The following KCNMB2 variants were observed in gnomAD, a reference collection of about 807,000 sequenced individuals.
The protein encoded by KCNMB2 is calcium-activated potassium channel subunit beta-2.
KCNMB2 carries 9 observed loss-of-function variants against 24.5 expected under a neutral mutation model. That is an observed-to-expected ratio of 0.37 (90% CI 0.22 to 0.64). KCNMB2 has a LOEUF of 0.64. KCNMB2 is among the 30% of genes least tolerant of loss of function. The pLI is 0.63. For missense variants in KCNMB2, 226 were observed against 284.3 expected (o/e 0.79, Z 1.47); for synonymous variants, 109 against 104.4 (o/e 1.04, Z -0.27).
intron 1 of KCNMB2, among the ~76,000 whole-genome samples, chr3:178,587,601 GGTT>G (rs1717491989): frequency 7.5e-6 from 1 of 133,084 alleles, no homozygotes; most frequent in Non-Finnish European, 1.6e-5. Context: ...TTTTTTGGGT[GGTT>G]TTTTTTTTTT....
chr3:178,537,079 G>A (rs993265228), intron 1 of KCNMB2, among the ~76,000 whole-genome samples: 6 of 152,032 alleles, frequency 3.9e-5, no homozygotes, highest in African/African-American at 1.5e-4. Context: ...AAGGCATAAA[G>A]GTCCAAGAAA....
rs200931093 is a variant in KCNMB2 at position 178,807,485 on chromosome 3, G to C, written c.56+20G>C. 2 of 1,610,084 alleles carry C rather than the reference G, an allele frequency of 1.2e-6. No homozygotes were observed. Among genetic ancestry groups the C allele is most frequent in the Admixed American group, 1.7e-5 (1 of 59,988 alleles). On this transcript the variant is annotated intron_variant, in intron 2 of 4. Coordinates refer to ENST00000452583, the MANE Select transcript of KCNMB2 (RefSeq NM_181361.3). Reference sequence around the variant, plus strand: ...AAAAAGGTAAATGCACTGGGATTCTGGGCACTTTTCAGAAGCATTTAACCT... The same window carrying C: ...AAAAAGGTAAATGCACTGGGATTCTCGGCACTTTTCAGAAGCATTTAACCT...
At chr3:178,775,880 C>G (rs1166103783) in intron 1 of KCNMB2, among the ~76,000 whole-genome samples, 1 of 152,166 alleles carries the variant, frequency 6.6e-6, no homozygotes, top group Non-Finnish European at 1.5e-5. Context: ...TGCCTCCAGA[C>G]TGGTTTAAGT....
chr3:178,830,354 A>AC (rs1715008311), intron 4 of KCNMB2, among the ~76,000 whole-genome samples: 1 of 152,016 alleles, frequency 6.6e-6, no homozygotes, highest in South Asian at 2.1e-4. Context: ...TATTCATTCT[A>AC]CTGCTGATGG....
intron 1 of KCNMB2, among the ~76,000 whole-genome samples, chr3:178,682,176 G>C (rs1721293054): frequency 6.6e-6 from 1 of 152,098 alleles, no homozygotes; most frequent in Non-Finnish European, 1.5e-5. Context: ...TATTTCAGTA[G>C]GTTAAGTAAT....
At chr3:178,734,145 C>T (rs1057331982) in intron 1 of KCNMB2, among the ~76,000 whole-genome samples, 2 of 152,096 alleles carry the variant, frequency 1.3e-5, no homozygotes, top group African/African-American at 4.8e-5. Context: ...TGGGAGGGTG[C>T]CCAAGTGTAA....
intron 1 of KCNMB2, among the ~76,000 whole-genome samples, chr3:178,743,431 C>A (rs1723558365): frequency 6.6e-6 from 1 of 152,178 alleles, no homozygotes; most frequent in Admixed American, 6.5e-5. Flanking sequence ...ATACTCAGAG[C>A]AGCTAAGCCT....
intron 1 of KCNMB2, among the ~76,000 whole-genome samples, chr3:178,681,154 C>T (rs1373540815): frequency 4.6e-5 from 7 of 152,138 alleles, no homozygotes; most frequent in African/African-American, 1.4e-4. Context: ...CTCTGGGAGT[C>T]AGAGGCCAGA....
intron 1 of KCNMB2, among the ~76,000 whole-genome samples, chr3:178,671,422 T>C (rs894274672): frequency 2.6e-5 from 4 of 152,178 alleles, no homozygotes; most frequent in African/African-American, 9.7e-5. Context: ...ACACCACTAC[T>C]GCCCAACCTC....
intron 2 of KCNMB2, among the ~76,000 whole-genome samples, chr3:178,816,051 C>G (rs367761428): frequency 6.6e-6 from 1 of 151,704 alleles, no homozygotes; most frequent in East Asian, 1.9e-4. Context: ...AGCATTTCAT[C>G]TTTTTCTATA....
At chr3:178,588,931 T>G (rs1371360753) in intron 1 of KCNMB2, among the ~76,000 whole-genome samples, 1 of 152,222 alleles carries the variant, frequency 6.6e-6, no homozygotes, top group Non-Finnish European at 1.5e-5. Flanking sequence ...GAGAAAGTGC[T>G]CAACAGCTAA....
chr3:178,815,664 G>A (rs1714378243), intron 2 of KCNMB2, among the ~76,000 whole-genome samples: 1 of 151,826 alleles, frequency 6.6e-6, no homozygotes, highest in Admixed American at 6.6e-5. Flanking sequence ...TTTACTATAG[G>A]TATTTCTTCT....
intron 1 of KCNMB2, among the ~76,000 whole-genome samples, chr3:178,621,826 C>T (rs1320577912): frequency 6.6e-6 from 1 of 152,132 alleles, no homozygotes; most frequent in Non-Finnish European, 1.5e-5. Context: ...GGTTAGTTAA[C>T]TATGGAATTT....
At chr3:178,790,745 G>A (rs544316157) in intron 1 of KCNMB2, among the ~76,000 whole-genome samples, 6 of 152,288 alleles carry the variant, frequency 3.9e-5, no homozygotes, top group African/African-American at 1.2e-4. Flanking sequence ...ACAGCTCCAG[G>A]CAACTCGGCA....
At chr3:178,716,981 T>C (rs1322769727) in intron 1 of KCNMB2, among the ~76,000 whole-genome samples, 2 of 152,028 alleles carry the variant, frequency 1.3e-5, no homozygotes, top group African/African-American at 2.4e-5. Flanking sequence ...CCCTGCCTTT[T>C]TGGAATAAGT....
Position 178,612,633 on chromosome 3 carries a change from A to G in KCNMB2, c.-68+75922A>G, listed in dbSNP as rs577967830. ...ATTTTCAGTCTATGTTTGTCTTCAT[A>G]GATGTAGTATTTCCTGTAGGCAGTG... On this transcript the variant is annotated intron_variant, in intron 1 of 4. Transcript: ENST00000452583. 2.3e-3 allele frequency among the ~76,000 whole-genome samples: 350 copies of G among 152,182 alleles called. 1 individual carries two copies. The highest frequency in any genetic ancestry group is 8.1e-3 in the African/African-American group (335 of 41,506).
Position 178,828,301 on chromosome 3 carries a change from C to T in KCNMB2, c.351C>T (p.Tyr117=), listed in dbSNP as rs771678569. 28 of 1,613,792 alleles carry T rather than the reference C, an allele frequency of 1.7e-5. No individual in the cohort carries two copies. Among genetic ancestry groups the T allele is most frequent in the Middle Eastern group, 1.6e-4 (1 of 6,084 alleles). Residue 117 remains tyrosine (Y), a synonymous_variant, in exon 4 of 5, where the codon TAC becomes TAT. Coordinates refer to ENST00000452583, the MANE Select transcript of KCNMB2 (RefSeq NM_181361.3). ...CTCAGTACCCCTGCCTCCAGGTGTACGTTAACCTGACTTCTTCCGGGGAAA... is the reference window on the plus strand; with the variant it reads ...CTCAGTACCCCTGCCTCCAGGTGTATGTTAACCTGACTTCTTCCGGGGAAA... ...KLSQYPCLQV[Y]VNLTSSGEKL...
At chr3:178,588,519 C>G (rs550832680) in intron 1 of KCNMB2, among the ~76,000 whole-genome samples, 1 of 152,064 alleles carries the variant, frequency 6.6e-6, no homozygotes, top group Non-Finnish European at 1.5e-5. Flanking sequence ...GAAAGGTGAT[C>G]TCTGTTGATA....
At chr3:178,556,259 T>A (rs1716120471) in intron 1 of KCNMB2, among the ~76,000 whole-genome samples, 1 of 152,182 alleles carries the variant, frequency 6.6e-6, no homozygotes. Context: ...AGATGCAGAT[T>A]CCAGAGTCAT....
Sources: gnomAD v4.1 joint callset for allele counts (sites outside exome capture counted in the v4.1 genomes callset) on GRCh38, gnomAD v4.1.1 for gene constraint, MANE v1.5 for transcripts, NCBI Gene and HGNC (gene_info 2026-07-23, HGNC 2026-07-21) for gene names.